The following TMPRSS15 variants were observed in gnomAD, a reference collection of about 807,000 sequenced individuals.
The protein encoded by TMPRSS15 is enteropeptidase.
In TMPRSS15, 128 loss-of-function variants were observed where a neutral mutation model predicts 125.3. That is an observed-to-expected ratio of 1.02 (90% CI 0.89 to 1.18). The LOEUF (loss-of-function observed/expected upper bound fraction) is 1.18, where lower values mean the gene tolerates loss of function less well. Ranked by LOEUF, TMPRSS15 falls within the 50% of genes most tolerant of loss-of-function variation. TMPRSS15 has a pLI of 0.00. For missense variants in TMPRSS15, 1,283 were observed against 1,212.7 expected, an observed-to-expected ratio of 1.06 and a Z score of -0.86; for synonymous variants, 446 against 423.2, an observed-to-expected ratio of 1.05 and a Z score of -0.66.
intron 1 of TMPRSS15, among the ~76,000 whole-genome samples, chr21:18,458,133 G>A (rs1023442925): frequency 1.3e-5 from 2 of 152,116 alleles, no homozygotes; most frequent in African/African-American, 4.8e-5. Flanking sequence ...AAGGTATAAG[G>A]AGGATTGAGG....
At chr21:18,299,605 C>G (rs2074943433) in intron 18 of TMPRSS15, among the ~76,000 whole-genome samples, 1 of 152,210 alleles carries the variant, frequency 6.6e-6, no homozygotes, top group South Asian at 2.1e-4. Context: ...TCCAGCCTGT[C>G]TTCTAGACAT....
At chr21:18,416,012 C>G (rs2123181334) in intron 1 of TMPRSS15, among the ~76,000 whole-genome samples, 1 of 151,980 alleles carries the variant, frequency 6.6e-6, no homozygotes. Flanking sequence ...TAACAAGGAA[C>G]CATTCTAAAA....
At chr21:18,411,011 C>A in intron 1 of TMPRSS15, among the ~76,000 whole-genome samples, 1 of 151,954 alleles carries the variant, frequency 6.6e-6, no homozygotes, top group Non-Finnish European at 1.5e-5. Flanking sequence ...TAGTATTTAG[C>A]TGATTACTAC....
intron 1 of TMPRSS15, among the ~76,000 whole-genome samples, chr21:18,475,109 T>C (rs766231957): frequency 6.6e-6 from 1 of 152,226 alleles, no homozygotes; most frequent in Non-Finnish European, 1.5e-5. Flanking sequence ...TTTTTTCCAA[T>C]AGAGGCTGTA....
intron 1 of TMPRSS15, among the ~76,000 whole-genome samples, chr21:18,422,943 G>A (rs555727822): frequency 3.5e-4 from 53 of 152,300 alleles, no homozygotes; most frequent in East Asian, 3.3e-3. Flanking sequence ...AAATGCTGAT[G>A]CTGATCTGCT....
At chr21:18,475,427 A>C (rs1240406446) in intron 1 of TMPRSS15, among the ~76,000 whole-genome samples, 1 of 152,150 alleles carries the variant, frequency 6.6e-6, no homozygotes, top group Non-Finnish European at 1.5e-5. Context: ...CCTCATCTCT[A>C]CTAAAAATAC....
chr21:18,333,636 T>G (rs571692075), intron 13 of TMPRSS15, among the ~76,000 whole-genome samples: 1 of 152,260 alleles, frequency 6.6e-6, no homozygotes, highest in Admixed American at 6.5e-5. Flanking sequence ...AAAATGAAAC[T>G]TCATTTGCTT....
chr21:18,435,487 G>T (rs1298329091), intron 1 of TMPRSS15, among the ~76,000 whole-genome samples: 4 of 152,148 alleles, frequency 2.6e-5, no homozygotes, highest in Non-Finnish European at 4.4e-5. Flanking sequence ...AAGCCCACTT[G>T]TTCATGGGGG....
chr21:18,314,489 G>A (rs576507683), intron 17 of TMPRSS15, among the ~76,000 whole-genome samples: 1 of 152,196 alleles, frequency 6.6e-6, no homozygotes, highest in Admixed American at 6.5e-5. Flanking sequence ...TGTTGGTCAG[G>A]CTGGTCATGA....
At chr21:18,364,829 C>T (rs187094864) in intron 7 of TMPRSS15, among the ~76,000 whole-genome samples, 6 of 152,190 alleles carry the variant, frequency 3.9e-5, no homozygotes, top group South Asian at 2.1e-4. Flanking sequence ...CTACTTCTCA[C>T]GATACACAGA....
In TMPRSS15 at chr21:18,425,816, G is replaced by T. The variant is rs2076201485; in HGVS notation, c.11-27487C>A. On this transcript the variant is annotated intron_variant, in intron 1 of 7. Transcript: ENST00000422787. The stretch of plus-strand genomic sequence containing the variant: ...TTTTCATGGATATTTTGATAATTCA[G>T]ATGCATCAGTATTCTGGGCTTCAAG... 2.6e-5 allele frequency among the ~76,000 whole-genome samples: 4 copies of T among 151,986 alleles called. No homozygotes were observed. The South Asian group carries it at 8.3e-4, about 32-fold the overall frequency.
At chr21:18,386,559 C>A (rs1475025890) in intron 3 of TMPRSS15, among the ~76,000 whole-genome samples, 1 of 152,272 alleles carries the variant, frequency 6.6e-6, no homozygotes, top group South Asian at 2.1e-4. Context: ...TAGAGCACTG[C>A]CTTTTTTCCT....
At chr21:18,365,075 A>G (rs1369336313) in intron 7 of TMPRSS15, 65 bp downstream of exon 7, 21 of 1,317,378 alleles carry the variant, frequency 1.6e-5, no homozygotes, top group South Asian at 9.4e-5. Flanking sequence ...ACTGAAAGCA[A>G]TAAGACGTTG....
upstream of TMPRSS15, among the ~76,000 whole-genome samples, chr21:18,408,221 C>T (rs2076157455): frequency 6.6e-6 from 1 of 152,146 alleles, no homozygotes; most frequent in Non-Finnish European, 1.5e-5. Flanking sequence ...TATACTCTGA[C>T]TGTATGAAGT....
At chr21:18,437,254 G>C (rs1474629788) in intron 1 of TMPRSS15, among the ~76,000 whole-genome samples, 3 of 151,584 alleles carry the variant, frequency 2.0e-5, no homozygotes, top group South Asian at 2.1e-4. Flanking sequence ...AATGGTGCTG[G>C]GAAAACTGGC....
At chr21:18,365,686 C>CCTTCCTTCCTTA (rs2075727819) in intron 6 of TMPRSS15, among the ~76,000 whole-genome samples, 1 of 135,878 alleles carries the variant, frequency 7.4e-6, no homozygotes, top group Non-Finnish European at 1.6e-5. Context: ...TTCCTTCCTT[C>CCTTCCTTCCTTA]CTTCCTTCCT....
At chr21:18,407,366 TTAA>T (rs2076154666), upstream of TMPRSS15, among the ~76,000 whole-genome samples, 1 of 152,134 alleles carries the variant, frequency 6.6e-6, no homozygotes, top group Non-Finnish European at 1.5e-5. Flanking sequence ...TGTGGTATTA[TTAA>T]TAATTTTCAT....
intron 13 of TMPRSS15, among the ~76,000 whole-genome samples, chr21:18,340,754 G>A (rs2075437923): frequency 6.6e-6 from 1 of 151,660 alleles, no homozygotes; most frequent in Admixed American, 6.6e-5. Context: ...AAAACCTCAA[G>A]GCACCCTCCC....
chr21:18,394,545 CTCTCTCTGTCTCTCTCTCTT>C (rs2076017251), intron 3 of TMPRSS15, among the ~76,000 whole-genome samples: 4 of 151,844 alleles, frequency 2.6e-5, no homozygotes, highest in South Asian at 2.1e-4. Flanking sequence ...CTCTCTCTCT[CTCTCTCTGTCTCTCTCTCTT>C]TCTCTCACAT....
Sources: allele counts gnomAD v4.1 joint callset (sites outside exome capture counted in the v4.1 genomes callset), GRCh38; gene constraint gnomAD v4.1.1; transcripts MANE v1.5; gene names NCBI Gene and HGNC (gene_info 2026-07-23, HGNC 2026-07-21).